Variants in SLC30A9 observed in about 807,000 individuals in gnomAD.
SLC30A9 encodes the protein proton-coupled zinc antiporter SLC30A9, mitochondrial.
SLC30A9 carries 58 observed loss-of-function variants against 87.5 expected under a neutral mutation model. The observed-to-expected ratio is 0.66, with a 90% confidence interval of 0.54 to 0.82. The LOEUF (loss-of-function observed/expected upper bound fraction) is 0.82. Among genes scored for constraint, SLC30A9 ranks in the 40% least tolerant of loss-of-function variants. The pLI is 0.00. For synonymous variants in SLC30A9, 234 were observed against 233.0 expected (o/e 1.00, Z -0.04); for missense variants, 557 against 679.1 (o/e 0.82, Z 2.00).
At chr4:42,076,974 A>G (rs73235514) in intron 16 of SLC30A9, among the ~76,000 whole-genome samples, 2 of 141,260 alleles carry the variant, frequency 1.4e-5, no homozygotes, top group Non-Finnish European at 1.5e-5. Flanking sequence ...AAAAAAAAAA[A>G]AAAGAAAGAA....
At chr4:41,994,835 A>T (rs892007812) in intron 1 of SLC30A9, among the ~76,000 whole-genome samples, 2 of 150,556 alleles carry the variant, frequency 1.3e-5, no homozygotes, top group Non-Finnish European at 1.5e-5. Flanking sequence ...CTCAAAAAAA[A>T]AAAAAAAAAA....
At chr4:42,043,467 A>G (rs1717005120) in intron 8 of SLC30A9, among the ~76,000 whole-genome samples, 2 of 152,306 alleles carry the variant, frequency 1.3e-5, no homozygotes, top group African/African-American at 2.4e-5. Context: ...AAGAAAGGAT[A>G]TAAGAGATTG....
chr4:42,060,063 G>C, intron 9 of SLC30A9, 128 bp from the exon 10 acceptor site: 1 of 616,004 alleles, frequency 1.6e-6, no homozygotes, highest in Non-Finnish European at 2.9e-6. Context: ...AGAATTGCTG[G>C]GTCATTGGAC....
intron 15 of SLC30A9, among the ~76,000 whole-genome samples, chr4:42,072,850 G>T (rs111635451): frequency 2.9e-3 from 246 of 84,120 alleles, no homozygotes; most frequent in African/African-American, 0.01. Flanking sequence ...TTTTGTTCTT[G>T]TTGCCCAGGC....
At chr4:42,075,046 TA>T (rs1718476817) in intron 15 of SLC30A9, among the ~76,000 whole-genome samples, 13 of 16,882 alleles carry the variant, frequency 7.7e-4, no homozygotes, top group South Asian at 3.3e-3. Context: ...TATATATATA[TA>T]TATATATATA....
At chr4:42,065,106 G>A (rs1718028514) in intron 11 of SLC30A9, among the ~76,000 whole-genome samples, 1 of 152,110 alleles carries the variant, frequency 6.6e-6, no homozygotes. Context: ...GGATCTTACT[G>A]TATCTGGTGT....
rs1717298767 is a variant in SLC30A9, at chr4:42,049,422, CG to C, written c.785del (p.Gly262ValfsTer22). 1.2e-6 allele frequency: 2 copies of C among 1,610,922 alleles called. No homozygotes were observed. Among genetic ancestry groups the C allele is most frequent in the Admixed American group, 1.7e-5 (1 of 59,840 alleles). ...FFKFLAWIYT[G>X]SASMFSEAIH... ...TTAAATTTCTTGCCTGGATTTATAC[CG>C]GTTCAGCAAGTATGTTCTCAGAAGC... On this transcript the variant is annotated frameshift_variant, in exon 9 of 18. Transcript: ENST00000264451. LOFTEE classifies it high-confidence loss of function.
intron 3 of SLC30A9, 197 bp downstream of exon 3, chr4:42,018,367 T>G: frequency 8.8e-7 from 1 of 1,139,820 alleles, no homozygotes; most frequent in Non-Finnish European, 1.2e-6. Context: ...TTTTGCATTT[T>G]TGTCACAAAT....
chr4:42,037,892 T>A (rs978857297), intron 7 of SLC30A9, among the ~76,000 whole-genome samples: 1 of 152,114 alleles, frequency 6.6e-6, no homozygotes, highest in Non-Finnish European at 1.5e-5. Flanking sequence ...TGCCTCAGCC[T>A]CCTGAGTAGC....
rs1718272890 is a variant in SLC30A9 at position 42,070,570 on chromosome 4, T to G, written c.1297T>G (p.Leu433Val). The part of the protein sequence containing the change: ...DSLGSLGVGT[L>V]LGMVSAFLIY... ...CCTAGGTTCTTTGGGTGTGGGCACC[T>G]TATTAGGCATGGTCTCAGCATTCCT... The change falls in exon 15 of 18, where the codon TTA (leucine) becomes GTA (valine). Residue 433 changes from leucine to valine, a missense_variant. By Grantham distance (32) the Leu-to-Val change is conservative. Transcript: ENST00000264451. 1 of 1,614,000 alleles carries G rather than the reference T, an allele frequency of 6.2e-7. No homozygotes were observed. The highest frequency in any genetic ancestry group is 8.5e-7 in the Non-Finnish European group (1 of 1,179,888).
chr4:42,059,070 TTAAG>T (rs1255574294), intron 9 of SLC30A9, among the ~76,000 whole-genome samples: 5 of 152,202 alleles, frequency 3.3e-5, no homozygotes, highest in Non-Finnish European at 5.9e-5. Flanking sequence ...TATATTTGTA[TTAAG>T]TATTTTCAAG....
At chr4:42,017,485 CT>C (rs1470293343) in intron 2 of SLC30A9, among the ~76,000 whole-genome samples, 1 of 151,192 alleles carries the variant, frequency 6.6e-6, no homozygotes, top group African/African-American at 2.4e-5. Context: ...AGAAATCTTT[CT>C]GTACCATAAA....
At chr4:42,051,508 C>T (rs1202638058) in intron 9 of SLC30A9, among the ~76,000 whole-genome samples, 2 of 151,968 alleles carry the variant, frequency 1.3e-5, no homozygotes. Flanking sequence ...CAAGTACAGT[C>T]ATGTATTGAA....
intron 2 of SLC30A9, among the ~76,000 whole-genome samples, chr4:42,015,704 C>G (rs920714410): frequency 6.6e-6 from 1 of 152,136 alleles, no homozygotes; most frequent in Non-Finnish European, 1.5e-5. Context: ...GATTCATTCT[C>G]TTCAGCTCCT....
At chr4:42,025,667 A>T (rs990725796) in intron 6 of SLC30A9, among the ~76,000 whole-genome samples, 2 of 151,974 alleles carry the variant, frequency 1.3e-5, no homozygotes, top group Non-Finnish European at 2.9e-5. Context: ...GATTATTTTT[A>T]TTTTATTTTA....
At chr4:42,067,567 T>G (rs571157861) in intron 14 of SLC30A9, among the ~76,000 whole-genome samples, 65 of 152,356 alleles carry the variant, frequency 4.3e-4, no homozygotes, top group Non-Finnish European at 9.0e-4. Context: ...TTTAATAAAC[T>G]CTAAAGTTCC....
At chr4:42,073,437 C>T (rs1718396652) in intron 15 of SLC30A9, among the ~76,000 whole-genome samples, 1 of 152,116 alleles carries the variant, frequency 6.6e-6, no homozygotes, top group Non-Finnish European at 1.5e-5. Flanking sequence ...AAAATTCATA[C>T]AATTTTTTTA....
intron 1 of SLC30A9, among the ~76,000 whole-genome samples, chr4:41,997,033 C>CAAATAAATAAATAAAT (rs71650957): frequency 0.13 from 18,183 of 140,668 alleles, 1,491 homozygotes; most frequent in Admixed American, 0.18. Flanking sequence ...GACTCCATCT[C>CAAATAAATAAATAAAT]AAATAAATAA....
At chr4:42,000,532 C>T (rs1344548989) in intron 1 of SLC30A9, among the ~76,000 whole-genome samples, 1 of 152,044 alleles carries the variant, frequency 6.6e-6, no homozygotes, top group Non-Finnish European at 1.5e-5. Context: ...GTAAAAGAAT[C>T]AGTTCACATC....
Sources: gnomAD v4.1 joint callset for allele counts (sites outside exome capture counted in the v4.1 genomes callset) on GRCh38, gnomAD v4.1.1 for gene constraint, MANE v1.5 for transcripts, NCBI Gene and HGNC (gene_info 2026-07-23, HGNC 2026-07-21) for gene names.